The following CADM2 variants were observed in gnomAD, a reference collection of about 807,000 sequenced individuals.
The protein encoded by CADM2 is immunoglobulin superfamily member 4D.
CADM2 carries 12 observed loss-of-function variants against 49.8 expected under a neutral mutation model. The observed-to-expected ratio is 0.24, with a 90% CI of 0.15 to 0.39. CADM2 has a LOEUF of 0.39. Among genes scored for constraint, CADM2 ranks in the 10% least tolerant of loss-of-function variants. The pLI, the probability that CADM2 is intolerant of heterozygous loss-of-function variation, is 1.00. For missense variants in CADM2, 378 were observed against 492.3 expected (o/e 0.77, Z 2.20); for synonymous variants, 214 against 175.4 (o/e 1.22, Z -1.74).
intron 8 of CADM2, among the ~76,000 whole-genome samples, chr3:85,973,401 C>T (rs981002534): frequency 6.6e-5 from 10 of 151,618 alleles, no homozygotes; most frequent in Non-Finnish European, 1.5e-4. Flanking sequence ...ACAAAAAGCA[C>T]CTACCACATT....
rs557200401 is a variant in CADM2, at chr3:85,292,232, G to C, written c.61+332564G>C. 4.8e-3 allele frequency among the ~76,000 whole-genome samples: 720 copies of C among 149,428 alleles called. 17 individuals carry two copies. Among genetic ancestry groups the C allele is most frequent in the African/African-American group, 0.018 (696 of 38,900 alleles). The stretch of plus-strand genomic sequence containing the variant: ...GGTAAAGGGATCAATTCAACAAGAA[G>C]AGCTAACTATCCTAAATATATATGC... On this transcript the variant is annotated intron_variant, in intron 1 of 9. Transcript: ENST00000383699.
intron 1 of CADM2, among the ~76,000 whole-genome samples, chr3:85,110,654 A>C (rs1214522209): frequency 2.0e-5 from 3 of 151,880 alleles, no homozygotes; most frequent in African/African-American, 7.2e-5. Context: ...AAATTCAAAG[A>C]CTTTTCTATT....
intron 1 of CADM2, among the ~76,000 whole-genome samples, chr3:85,396,538 A>G (rs2034800646): frequency 6.6e-6 from 1 of 152,060 alleles, no homozygotes; most frequent in East Asian, 1.9e-4. Context: ...TGGTAATCCA[A>G]TACCTACAAA....
At chr3:85,998,155 T>A (rs1729663984) in intron 8 of CADM2, among the ~76,000 whole-genome samples, 1 of 151,904 alleles carries the variant, frequency 6.6e-6, no homozygotes, top group African/African-American at 2.4e-5. Flanking sequence ...GGTAGCAGGG[T>A]TGGGGGTAAG....
At chr3:85,046,819 TCATTA>T (rs1308593867) in intron 1 of CADM2, among the ~76,000 whole-genome samples, 1 of 152,104 alleles carries the variant, frequency 6.6e-6, no homozygotes, top group Non-Finnish European at 1.5e-5. Flanking sequence ...TAAATACTAT[TCATTA>T]CATGTAAAGA....
chr3:85,837,428 T>A (rs923046278), intron 3 of CADM2, among the ~76,000 whole-genome samples: 2 of 151,752 alleles, frequency 1.3e-5, no homozygotes, highest in African/African-American at 2.4e-5. Flanking sequence ...AAAAAAACAG[T>A]TCCAGAGAGA....
chr3:85,793,720 C>A (rs886843825), intron 2 of CADM2, among the ~76,000 whole-genome samples: 1 of 152,126 alleles, frequency 6.6e-6, no homozygotes, highest in Admixed American at 6.6e-5. Context: ...TGTTCATTCT[C>A]TTATTAAAAA....
At chr3:85,727,705 G>C (rs2029051) in intron 2 of CADM2, among the ~76,000 whole-genome samples, 33,353 of 152,032 alleles carry the variant, frequency 0.22, 4,280 homozygotes, top group Middle Eastern at 0.29. Flanking sequence ...CACTGCACCA[G>C]CTCCAGGGTA....
At chr3:85,718,816 A>G (rs1018283366) in intron 1 of CADM2, among the ~76,000 whole-genome samples, 1 of 151,202 alleles carries the variant, frequency 6.6e-6, no homozygotes, top group South Asian at 2.1e-4. Flanking sequence ...GTAAAATCTT[A>G]CAATAAAGTT....
At chr3:85,073,180 G>C (rs1398037933) in intron 1 of CADM2, among the ~76,000 whole-genome samples, 1 of 152,126 alleles carries the variant, frequency 6.6e-6, no homozygotes, top group Non-Finnish European at 1.5e-5. Flanking sequence ...TCAGCATAAA[G>C]ACCTGAAGGT....
intron 1 of CADM2, among the ~76,000 whole-genome samples, chr3:85,672,191 CTTT>C (rs5850710): frequency 8.0e-6 from 1 of 124,306 alleles, no homozygotes; most frequent in Non-Finnish European, 1.7e-5. Flanking sequence ...TCTAGGATGT[CTTT>C]TTTTTTTTTT....
Position 85,220,166 on chromosome 3 carries a change from TTTG to T in CADM2, c.61+260517_61+260519del, listed in dbSNP as rs958547015. On this transcript the variant is annotated intron_variant, in intron 1 of 9. Transcript: ENST00000383699. Reference sequence around the variant, plus strand: ...AGGTTTTCCAACAAAATACTAGATTTTTGTTGTTGTTGTTGTTGTTGCTGTTAA... The same window carrying T: ...AGGTTTTCCAACAAAATACTAGATTTTTGTTGTTGTTGTTGTTGCTGTTAA... Among the ~76,000 whole-genome samples, 406 of 152,030 alleles carry T rather than the reference TTTG, an allele frequency of 2.7e-3. 2 individuals carry two copies. The highest frequency in any genetic ancestry group is 9.1e-3 in the African/African-American group (378 of 41,482).
At chr3:85,543,456 G>A (rs577628572) in intron 1 of CADM2, among the ~76,000 whole-genome samples, 1 of 147,614 alleles carries the variant, frequency 6.8e-6, no homozygotes, top group African/African-American at 2.5e-5. Flanking sequence ...GTGTGTGTGT[G>A]TATTTTTAGT....
At chr3:85,326,841 T>C (rs1283360476) in intron 1 of CADM2, among the ~76,000 whole-genome samples, 2 of 152,152 alleles carry the variant, frequency 1.3e-5, no homozygotes, top group Admixed American at 1.3e-4. Context: ...GTGGTGGCAG[T>C]AATTACACTA....
chr3:85,313,283 C>A (rs1305801692), intron 1 of CADM2, among the ~76,000 whole-genome samples: 1 of 152,170 alleles, frequency 6.6e-6, no homozygotes, highest in African/African-American at 2.4e-5. Flanking sequence ...CATAGAAAAT[C>A]TAATTGGTTG....
chr3:85,288,399 A>G (rs531420184), intron 1 of CADM2, among the ~76,000 whole-genome samples: 5 of 152,044 alleles, frequency 3.3e-5, no homozygotes, highest in African/African-American at 7.2e-5. Flanking sequence ...GAAATAGGTG[A>G]TTTTTGTTAG....
intron 2 of CADM2, among the ~76,000 whole-genome samples, chr3:85,785,538 A>G (rs1393694287): frequency 2.6e-5 from 4 of 152,060 alleles, no homozygotes; most frequent in African/African-American, 7.2e-5. Context: ...CATGGATACA[A>G]TAATATCCAT....
At chr3:85,090,804 T>C (rs991910324) in intron 1 of CADM2, among the ~76,000 whole-genome samples, 1 of 152,112 alleles carries the variant, frequency 6.6e-6, no homozygotes, top group African/African-American at 2.4e-5. Context: ...GGGCTCTAGG[T>C]TGTCCACTCC....
intron 1 of CADM2, among the ~76,000 whole-genome samples, chr3:85,101,843 C>G (rs2038024445): frequency 6.6e-6 from 1 of 152,042 alleles, no homozygotes; most frequent in Admixed American, 6.6e-5. Context: ...ACACTTGATT[C>G]CATACTTAAG....
Sources: allele counts gnomAD v4.1 joint callset (sites outside exome capture counted in the v4.1 genomes callset), GRCh38; gene constraint gnomAD v4.1.1; transcripts MANE v1.5; gene names NCBI Gene and HGNC (gene_info 2026-07-23, HGNC 2026-07-21).